NSMAF: variants seen among roughly 807,000 people sequenced by gnomAD.
The protein encoded by NSMAF is protein FAN.
NSMAF carries 90 observed loss-of-function variants against 134.9 expected under a neutral mutation model. That is an observed-to-expected ratio of 0.67 (90% CI 0.56 to 0.79). The LOEUF is 0.79. Among genes scored for constraint, NSMAF ranks in the 30% least tolerant of loss-of-function variants. The pLI, the probability that NSMAF is intolerant of heterozygous loss-of-function variation, is 0.00. For synonymous variants in NSMAF, 358 were observed against 389.6 expected (o/e 0.92, Z 0.96); for missense variants, 1,010 against 1,119.0 (o/e 0.90, Z 1.39).
chr8:58,635,090 T>G (rs1234513348), intron 5 of NSMAF, 99 bp downstream of exon 5: 22 of 895,532 alleles, frequency 2.5e-5, no homozygotes, highest in African/African-American at 3.4e-5. Flanking sequence ...TGATTTCTAT[T>G]CCATGGTCTT....
chr8:58,583,919 C>T lies in NSMAF; in HGVS notation c.*187G>A, dbSNP rs1805825530. 1.8e-5 allele frequency: 11 copies of T among 600,044 alleles called. No individual in the cohort carries two copies. Among genetic ancestry groups the T allele is most frequent in the Non-Finnish European group, 3.0e-5 (10 of 336,012 alleles). 37.2% of individuals were successfully genotyped at this position (600,044 alleles called of 1,614,324 possible). ...TCCTAACACAGCCGCATTTTATCTG[C>T]CCTAAGAGAATAGCAACTAATGGCT... On this transcript the variant is annotated 3_prime_UTR_variant, in exon 31 of 31. Transcript: ENST00000038176.
At chr8:58,589,149 AAT>A (rs1252720455) in intron 26 of NSMAF, among the ~76,000 whole-genome samples, 1 of 148,252 alleles carries the variant, frequency 6.7e-6, no homozygotes. Flanking sequence ...AAAAATATAT[AAT>A]ATGTATTATA....
intron 9 of NSMAF, among the ~76,000 whole-genome samples, chr8:58,617,873 G>T (rs577795529): frequency 6.6e-6 from 1 of 152,282 alleles, no homozygotes; most frequent in East Asian, 1.9e-4. Context: ...TACGTTTATT[G>T]TGGCACTATT....
At chr8:58,637,175 G>A (rs774835121) in intron 2 of NSMAF, 5 of 306,632 alleles carry the variant, frequency 1.6e-5, no homozygotes, top group South Asian at 8.6e-5. Flanking sequence ...TGTCAGCATC[G>A]TCTACTTGCC....
At chr8:58,601,149 A>G (rs1258345918) in intron 16 of NSMAF, 136 bp downstream of exon 16, 7 of 712,544 alleles carry the variant, frequency 9.8e-6, no homozygotes, top group Non-Finnish European at 1.7e-5. Flanking sequence ...AAAAAGCCTG[A>G]GAGGAATAGA....
At chr8:58,639,088 T>A (rs577931631) in intron 2 of NSMAF, among the ~76,000 whole-genome samples, 27 of 152,024 alleles carry the variant, frequency 1.8e-4, no homozygotes, top group Middle Eastern at 3.4e-3. Flanking sequence ...ATCGACACCA[T>A]CCTGGCTAAC....
chr8:58,588,676 A>G (rs972458695), intron 26 of NSMAF: 7 of 1,546,752 alleles, frequency 4.5e-6, no homozygotes, highest in Middle Eastern at 1.7e-4. Context: ...GTCCTTGGGC[A>G]TGCATCGGGC....
At chr8:58,624,144 T>G (rs1036740956) in intron 6 of NSMAF, among the ~76,000 whole-genome samples, 5 of 147,680 alleles carry the variant, frequency 3.4e-5, no homozygotes, top group South Asian at 2.1e-4. Context: ...TGGGTTCAAG[T>G]GATTCTCCTG....
chr8:58,593,562 ATC>A (rs779070758), intron 23 of NSMAF, among the ~76,000 whole-genome samples: 22 of 152,188 alleles, frequency 1.4e-4, no homozygotes, highest in Non-Finnish European at 2.8e-4. Context: ...CTACCCTTCC[ATC>A]TCTGCATCTT....
intron 10 of NSMAF, among the ~76,000 whole-genome samples, chr8:58,609,145 G>A (rs1215442539): frequency 1.3e-5 from 2 of 152,186 alleles, no homozygotes; most frequent in Admixed American, 1.3e-4. Context: ...TGCTCATAGT[G>A]CTCCTTCAGG....
At chr8:58,659,427 C>G (rs144534227) in intron 1 of NSMAF, 146 bp downstream of exon 1, 1 of 1,504,134 alleles carries the variant, frequency 6.6e-7, no homozygotes, top group African/African-American at 1.4e-5. Flanking sequence ...GCCACAGCCC[C>G]CAGCCCAGGC....
chr8:58,604,554 T>TAAA lies in NSMAF; in HGVS notation c.869-1169_869-1168insTTT, dbSNP rs1563529086. 4.0e-4 allele frequency among the ~76,000 whole-genome samples: 38 copies of TAAA among 95,224 alleles called. No individual in the cohort carries two copies. In the East Asian group the frequency reaches 9.0e-3, roughly 22 times the overall value. 62.5% of individuals were successfully genotyped at this position (95,224 alleles called of 152,430 possible). On this transcript the variant is annotated intron_variant, in intron 12 of 30. Transcript: ENST00000038176. ...AACTATATATAACTACATAGATATA[T>TAAA]ATAATATATATATATAAACCTACTT...
chr8:58,618,407 TTA>T (rs1460612226), intron 9 of NSMAF, among the ~76,000 whole-genome samples: 1 of 151,912 alleles, frequency 6.6e-6, no homozygotes, highest in Admixed American at 6.6e-5. Flanking sequence ...TTTTATTTTA[TTA>T]TATATGAGAT....
At chr8:58,649,939 T>C (rs919553637) in intron 1 of NSMAF, among the ~76,000 whole-genome samples, 1 of 152,244 alleles carries the variant, frequency 6.6e-6, no homozygotes, top group African/African-American at 2.4e-5. Context: ...TAGTGGTTTA[T>C]AAATAATCTG....
rs1224617095 is a variant in NSMAF at position 58,659,225 on chromosome 8, C to T, written c.59+348G>A. On this transcript the variant is annotated intron_variant, in intron 1 of 30. Transcript: ENST00000038176. ...CCTGCGAACGCCCGGGCTCGCGTGC[C>T]GGGATCCACGCCCGGACCCCGCGCG... The T allele has an allele frequency of 2.7e-6, 4 of 1,477,106 alleles. 1 individual carries two copies. The East Asian group carries it at 1.1e-4, about 42-fold the overall frequency. The allele number at this position is 1,477,106 out of a possible 1,614,324, so 91.5% of individuals were successfully genotyped here.
Position 58,631,527 on chromosome 8 carries a change from T to C in NSMAF, c.353A>G (p.His118Arg), listed in dbSNP as rs144877578. 138 of 1,507,068 alleles carry C rather than the reference T, an allele frequency of 9.2e-5. No homozygotes were observed. In the East Asian group the frequency reaches 3.2e-3, roughly 35 times the overall value. The allele number at this position is 1,507,068 out of a possible 1,614,324, so 93.4% of individuals were successfully genotyped here. The change falls in exon 6 of 31, where the codon CAT becomes CGT. Residue 118 changes from histidine to arginine, a missense_variant. His to Arg is a conservative substitution (Grantham distance 29, BLOSUM62 0). Coordinates refer to ENST00000038176, the MANE Select transcript of NSMAF (RefSeq NM_003580.4). Reference protein sequence around the residue: ...IFSQVYFIKEHNVVAPYKIER... With the variant: ...IFSQVYFIKERNVVAPYKIER... The stretch of plus-strand genomic sequence containing the variant: ...TATTTTATATGGTGCAACAACATTA[T>C]GTTCTTTAATGAAATATACCTGAGC...
chr8:58,649,307 C>T (rs897843940), intron 1 of NSMAF, among the ~76,000 whole-genome samples: 1 of 152,194 alleles, frequency 6.6e-6, no homozygotes, highest in Non-Finnish European at 1.5e-5. Flanking sequence ...GCCTGTACCA[C>T]CATTGTATCT....
intron 16 of NSMAF, 24 bp from the exon 17 acceptor site, chr8:58,600,045 C>T (rs753679327): frequency 8.9e-6 from 14 of 1,578,878 alleles, no homozygotes; most frequent in South Asian, 3.3e-5. Context: ...AAAAATTCAC[C>T]TATTTTCAGC....
At chr8:58,598,153 A>T (rs930519535) in intron 19 of NSMAF, among the ~76,000 whole-genome samples, 6 of 152,328 alleles carry the variant, frequency 3.9e-5, no homozygotes, top group Middle Eastern at 6.8e-3. Flanking sequence ...AGGAAGCATG[A>T]CTTATAGAAT....
Sources: allele counts gnomAD v4.1 joint callset (sites outside exome capture counted in the v4.1 genomes callset), GRCh38; gene constraint gnomAD v4.1.1; transcripts MANE v1.5; gene names NCBI Gene and HGNC (gene_info 2026-07-23, HGNC 2026-07-21).